The following PTPRG variants were observed in gnomAD, a reference collection of about 807,000 sequenced individuals.
PTPRG encodes receptor-type tyrosine-protein phosphatase gamma.
Under a neutral mutation model 165.3 loss-of-function variants are expected in PTPRG, and 102 were observed. The observed-to-expected ratio is 0.62, with a 90% CI of 0.53 to 0.73. The LOEUF is 0.73. PTPRG is among the 30% of genes least tolerant of loss of function. PTPRG has a pLI of 0.00. For synonymous variants in PTPRG, 675 were observed against 669.5 expected (o/e 1.01, Z -0.13); for missense variants, 1,866 against 1,861.4 (o/e 1.00, Z -0.05).
chr3:61,659,078 G>T (rs111484362), intron 1 of PTPRG, among the ~76,000 whole-genome samples: 2 of 152,200 alleles, frequency 1.3e-5, no homozygotes, highest in African/African-American at 4.8e-5. Flanking sequence ...CCCCTTTTTG[G>T]ACAGTGCCCA....
chr3:61,617,810 C>T (rs1379862010), intron 1 of PTPRG, among the ~76,000 whole-genome samples: 1 of 152,092 alleles, frequency 6.6e-6, no homozygotes, highest in Non-Finnish European at 1.5e-5. Context: ...GTTCTTAGGG[C>T]CTGCCTTCTA....
chr3:61,650,122 G>A (rs1282493584), intron 1 of PTPRG, among the ~76,000 whole-genome samples: 3 of 152,108 alleles, frequency 2.0e-5, no homozygotes, highest in Non-Finnish European at 4.4e-5. Context: ...TAAAAAGCCT[G>A]GTACTTTTTT....
intron 12 of PTPRG, among the ~76,000 whole-genome samples, chr3:62,212,634 G>A (rs928854434): frequency 9.9e-5 from 15 of 152,190 alleles, no homozygotes; most frequent in African/African-American, 3.6e-4. Context: ...GGAGTTGGGA[G>A]TGAGGAAAGC....
rs1257705584 is a variant in PTPRG at position 62,273,653 on chromosome 3, A to G, written c.3319-45A>G. 2.6e-5 allele frequency: 41 copies of G among 1,592,020 alleles called. No individual in the cohort carries two copies. Among genetic ancestry groups the G allele is most frequent in the Non-Finnish European group, 3.3e-5 (38 of 1,161,452 alleles). ...GGTACACTTCATGAATGAGTGGCTA[A>G]CCCTTAACACTCCCTCAGTGACTAC... On this transcript the variant is annotated intron_variant, in intron 22 of 29. Coordinates refer to ENST00000474889, the MANE Select transcript of PTPRG (RefSeq NM_002841.4). The surrounding 1 kb of genome is among the most constrained non-coding windows in gnomAD (Gnocchi z 4.1).
chr3:61,901,795 C>T (rs2038505242), intron 2 of PTPRG, among the ~76,000 whole-genome samples: 1 of 152,196 alleles, frequency 6.6e-6, no homozygotes, highest in Non-Finnish European at 1.5e-5. Flanking sequence ...ATTCAGGCTC[C>T]ACAATTTGTA....
intron 5 of PTPRG, among the ~76,000 whole-genome samples, chr3:62,113,967 C>T (rs1194646003): frequency 6.6e-6 from 1 of 152,154 alleles, no homozygotes; most frequent in African/African-American, 2.4e-5. Flanking sequence ...TGTTTATGCC[C>T]GTATCCACTT....
intron 2 of PTPRG, among the ~76,000 whole-genome samples, chr3:61,767,651 G>A (rs944384924): frequency 3.9e-5 from 6 of 152,180 alleles, no homozygotes; most frequent in Non-Finnish European, 8.8e-5. Context: ...ACTATAGAAT[G>A]CTTTAAATGC....
intron 2 of PTPRG, among the ~76,000 whole-genome samples, chr3:61,859,610 A>G (rs1480326703): frequency 7.9e-6 from 1 of 126,590 alleles, no homozygotes; most frequent in African/African-American, 3.1e-5. Flanking sequence ...GATAGTCCAT[A>G]GTTTTTTTTT....
intron 2 of PTPRG, chr3:61,749,360 T>G (rs1018729611): frequency 8.6e-6 from 3 of 350,820 alleles, no homozygotes; most frequent in African/African-American, 6.5e-5. Flanking sequence ...CTGCTAAACA[T>G]TACAAACATC....
rs72874799 is a variant in PTPRG at position 61,645,098 on chromosome 3, A to G, written c.85+82726A>G. ...CAGTATTTCCAACCCAGGGTTAAAAATATAATATAAAAGGTAGAAGGGAAA... is the reference window on the plus strand; with the variant it reads ...CAGTATTTCCAACCCAGGGTTAAAAGTATAATATAAAAGGTAGAAGGGAAA... On this transcript the variant is annotated intron_variant, in intron 1 of 29. Transcript: ENST00000474889. 4.8e-3 allele frequency among the ~76,000 whole-genome samples: 730 copies of G among 152,328 alleles called. 7 individuals carry two copies. The highest frequency in any genetic ancestry group is 0.017 in the African/African-American group (704 of 41,570).
rs535702247 is a variant in PTPRG at position 62,175,310 on chromosome 3, T to C, written c.1033+7147T>C. On this transcript the variant is annotated intron_variant, in intron 8 of 29. Transcript: ENST00000474889. ...CTCTAGGAGTGGTGCCTGAAACACCTGTGGTCAGAAAGGCTAGCAAGAGAG... is the reference window on the plus strand; with the variant it reads ...CTCTAGGAGTGGTGCCTGAAACACCCGTGGTCAGAAAGGCTAGCAAGAGAG... Among the ~76,000 whole-genome samples, 7 of 152,338 alleles carry C rather than the reference T, an allele frequency of 4.6e-5. No homozygotes were observed. In the East Asian group the frequency reaches 9.6e-4, roughly 21 times the overall value.
In PTPRG at chr3:62,236,139, A is replaced by C. The variant is rs193115999; in HGVS notation, c.2375+4828A>C. On this transcript the variant is annotated intron_variant, in intron 14 of 29. Coordinates refer to ENST00000474889, the MANE Select transcript of PTPRG (RefSeq NM_002841.4). Reference sequence around the variant, plus strand: ...CTTAACATGCCATAAAAGAAACTTAACAGCAAGTGAGTTGTTGTATATGAA... The same window carrying C: ...CTTAACATGCCATAAAAGAAACTTACCAGCAAGTGAGTTGTTGTATATGAA... 2.0e-3 allele frequency among the ~76,000 whole-genome samples: 310 copies of C among 152,326 alleles called. 1 individual carries two copies. Among genetic ancestry groups the C allele is most frequent in the Middle Eastern group, 6.8e-3 (2 of 294 alleles).
At chr3:61,713,516 T>C (rs1468631727) in intron 1 of PTPRG, among the ~76,000 whole-genome samples, 1 of 152,046 alleles carries the variant, frequency 6.6e-6, no homozygotes, top group East Asian at 1.9e-4. Context: ...TGTAACCTCC[T>C]TTGTTAGGCA....
At chr3:62,189,819 G>A (rs1230079165) in intron 8 of PTPRG, among the ~76,000 whole-genome samples, 1 of 152,160 alleles carries the variant, frequency 6.6e-6, no homozygotes, top group African/African-American at 2.4e-5. Context: ...CCAAGGACTC[G>A]TGGGAGAAAG....
intron 1 of PTPRG, among the ~76,000 whole-genome samples, chr3:61,606,562 ATGT>A (rs1701014566): frequency 6.6e-6 from 1 of 152,214 alleles, no homozygotes; most frequent in African/African-American, 2.4e-5. Flanking sequence ...CAGTCCATGT[ATGT>A]TGTTATAACA....
chr3:61,765,356 C>A (rs934160915), intron 2 of PTPRG, among the ~76,000 whole-genome samples: 1 of 152,158 alleles, frequency 6.6e-6, no homozygotes, highest in Non-Finnish European at 1.5e-5. Flanking sequence ...GATTGTGCTG[C>A]AGTAAAGAGG....
chr3:61,920,248 C>T, intron 2 of PTPRG, among the ~76,000 whole-genome samples: 1 of 152,170 alleles, frequency 6.6e-6, no homozygotes, highest in East Asian at 1.9e-4. Flanking sequence ...AGAGTCTTTC[C>T]AGCTCTGTGC....
chr3:62,000,113 G>A (rs1170179410), intron 3 of PTPRG, among the ~76,000 whole-genome samples: 7 of 151,966 alleles, frequency 4.6e-5, no homozygotes, highest in Admixed American at 4.6e-4. Flanking sequence ...GACCAGCCTG[G>A]CTAACATGGT....
intron 2 of PTPRG, among the ~76,000 whole-genome samples, chr3:61,777,916 T>C (rs1483757753): frequency 6.6e-6 from 1 of 152,204 alleles, no homozygotes; most frequent in African/African-American, 2.4e-5. Flanking sequence ...AGCCCTGACA[T>C]TGTTAAATTT....
Sources: allele counts gnomAD v4.1 joint callset (sites outside exome capture counted in the v4.1 genomes callset), GRCh38; gene constraint gnomAD v4.1.1; non-coding constraint Gnocchi (gnomAD v3.1); transcripts MANE v1.5; gene names NCBI Gene and HGNC (gene_info 2026-07-23, HGNC 2026-07-21).